TDRD9: variants seen among roughly 807,000 people sequenced by gnomAD.
The protein encoded by TDRD9 is ATP-dependent RNA helicase TDRD9.
In TDRD9, 124 loss-of-function variants were observed where a neutral mutation model predicts 172.6. That is an observed-to-expected ratio of 0.72 (90% CI 0.62 to 0.83). TDRD9 has a LOEUF of 0.83. Among genes scored for constraint, TDRD9 ranks in the 40% least tolerant of loss-of-function variants. The pLI is 0.00. For missense variants in TDRD9, 1,479 were observed against 1,714.1 expected (o/e 0.86, Z 2.42); for synonymous variants, 619 against 617.1 (o/e 1.00, Z -0.05).
intron 6 of TDRD9, among the ~76,000 whole-genome samples, chr14:103,974,800 C>G (rs2033169119): frequency 6.6e-6 from 1 of 151,914 alleles, no homozygotes; most frequent in South Asian, 2.1e-4. Context: ...ACCATCATGC[C>G]CAGCTATTTT....
At chr14:103,958,281 C>T (rs2032341948) in intron 2 of TDRD9, among the ~76,000 whole-genome samples, 1 of 152,074 alleles carries the variant, frequency 6.6e-6, no homozygotes, top group Non-Finnish European at 1.5e-5. Context: ...GTGGACCTTA[C>T]TGAGGCAGTG....
intron 23 of TDRD9, among the ~76,000 whole-genome samples, chr14:104,020,106 T>C (rs2034908834): frequency 1.3e-5 from 2 of 152,098 alleles, no homozygotes; most frequent in Non-Finnish European, 2.9e-5. Context: ...GTCTGTTTTG[T>C]GGAGGTCAGG....
In TDRD9 at chr14:104,042,137, G is replaced by A. The variant is rs4906411; in HGVS notation, c.3924G>A (p.Gly1308=). 4.3e-6 allele frequency: 7 copies of A among 1,613,744 alleles called. No individual in the cohort carries two copies. The highest frequency in any genetic ancestry group is 5.9e-6 in the Non-Finnish European group (7 of 1,179,658). Residue 1308 remains glycine (G), a synonymous_variant, in exon 34 of 36, where the codon GGG becomes GGA. Coordinates refer to ENST00000409874, the MANE Select transcript of TDRD9 (RefSeq NM_153046.3). ...CDGPNGCKCL[G]PERVAQLQDI... Reference sequence around the variant, plus strand: ...GACCAAATGGATGCAAGTGTCTTGGGCCAGAGAGAGTTGCGCAGCTTCAAG... The same window carrying A: ...GACCAAATGGATGCAAGTGTCTTGGACCAGAGAGAGTTGCGCAGCTTCAAG...
intron 6 of TDRD9, among the ~76,000 whole-genome samples, chr14:103,971,502 G>A (rs1263167131): frequency 6.6e-6 from 1 of 151,686 alleles, no homozygotes; most frequent in Non-Finnish European, 1.5e-5. Context: ...GTATAGATGG[G>A]GTTTTGCACC....
chr14:103,986,283 A>C lies in TDRD9; in HGVS notation c.1078A>C (p.Ile360Leu), dbSNP rs1401822577. Residue 360 changes from isoleucine to leucine, a missense_variant, in exon 8 of 36, where the codon ATT becomes CTT. Around this residue, in one of 3 missense-constraint regions of TDRD9, gnomAD observed 1,413 missense variants for 1,649.1 expected, o/e 0.86. Transcript: ENST00000409874. ...TATATATGAAGTTGCTGTCTCTCTC[A>C]TTCAGATGTTTGATGACTTGGATAT... ...KDIYEVAVSL[I>L]QMFDDLDMKE... 7 of 1,613,308 alleles carry C rather than the reference A, an allele frequency of 4.3e-6. No homozygotes were observed. The highest frequency in any genetic ancestry group is 5.9e-6 in the Non-Finnish European group (7 of 1,179,560).
chr14:103,962,992 GTATGC>G, intron 2 of TDRD9, 82 bp from the exon 3 acceptor site: 28 of 692,798 alleles, frequency 4.0e-5, no homozygotes, highest in East Asian at 5.7e-5. Flanking sequence ...GTGTGTGTGT[GTATGC>G]TGTATCTATA....
At chr14:104,049,891 G>A (rs1258718904) in intron 35 of TDRD9, 3 of 516,342 alleles carry the variant, frequency 5.8e-6, no homozygotes, top group Non-Finnish European at 1.0e-5. Context: ...TCCCGGCAAA[G>A]AGTCAGACAC....
intron 7 of TDRD9, among the ~76,000 whole-genome samples, chr14:103,979,361 TG>T (rs777760427): frequency 2.1e-4 from 32 of 152,344 alleles, no homozygotes; most frequent in Non-Finnish European, 4.0e-4. Flanking sequence ...TACCTCAGTC[TG>T]GGTAATTTAT....
chr14:103,956,111 AATATATATATATATATATATATATATAT>A (rs1173008862), intron 2 of TDRD9, among the ~76,000 whole-genome samples: 1 of 18,362 alleles, frequency 5.4e-5, no homozygotes, highest in African/African-American at 2.7e-4. Flanking sequence ...AAAAAAAAAA[AATATATATATATATATATATATATATAT>A]ATATATATAT....
At chr14:103,947,331 G>GT (rs1306132932) in intron 1 of TDRD9, among the ~76,000 whole-genome samples, 75 of 149,068 alleles carry the variant, frequency 5.0e-4, no homozygotes, top group African/African-American at 7.4e-4. Flanking sequence ...TTGTTTTTTT[G>GT]TTTTTTTTTG....
chr14:103,964,368 C>G (rs1486946797), intron 3 of TDRD9, among the ~76,000 whole-genome samples: 1 of 152,176 alleles, frequency 6.6e-6, no homozygotes, highest in Non-Finnish European at 1.5e-5. Flanking sequence ...TTTGCAGATT[C>G]ATTACAAAAT....
At chr14:104,018,309 T>C (rs12589669) in intron 23 of TDRD9, 117 bp downstream of exon 23, 173,219 of 608,840 alleles carry the variant, frequency 0.28, 26,639 homozygotes, top group Non-Finnish European at 0.33. Flanking sequence ...TATGGGCTGC[T>C]GCAATTGGCT....
intron 2 of TDRD9, among the ~76,000 whole-genome samples, chr14:103,958,531 A>G (rs544107561): frequency 6.6e-6 from 1 of 152,330 alleles, no homozygotes; most frequent in African/African-American, 2.4e-5. Flanking sequence ...GGATCTTGAG[A>G]TGGGAAGATT....
At chr14:104,026,409 G>T (rs764252368) in intron 27 of TDRD9, among the ~76,000 whole-genome samples, 1 of 152,204 alleles carries the variant, frequency 6.6e-6, no homozygotes, top group South Asian at 2.1e-4. Flanking sequence ...AAACCAGACA[G>T]ACTTTTTAGG....
At chr14:104,002,947 T>C (rs748704003) in intron 13 of TDRD9, among the ~76,000 whole-genome samples, 9 of 152,086 alleles carry the variant, frequency 5.9e-5, no homozygotes, top group African/African-American at 2.2e-4. Context: ...GCCAGGATGG[T>C]CTCCATCTCT....
In TDRD9 at chr14:103,980,482, C is replaced by G. The variant is rs568613378; in HGVS notation, c.1011+4929C>G. 6.6e-6 allele frequency among the ~76,000 whole-genome samples: 1 copy of G among 152,286 alleles called. No individual in the cohort carries two copies. Among genetic ancestry groups the G allele is most frequent in the Admixed American group, 6.5e-5 (1 of 15,296 alleles). On this transcript the variant is annotated intron_variant, in intron 7 of 35. Transcript: ENST00000409874. This position sits in a 1 kb window ranked among gnomAD's most constrained non-coding sequence, Gnocchi z 4.5. ...GCTTATCAGAGACTTTTAGTACTTTCACTAACTTGCCACTGCTATCTAAAA... is the reference window on the plus strand; with the variant it reads ...GCTTATCAGAGACTTTTAGTACTTTGACTAACTTGCCACTGCTATCTAAAA...
At chr14:103,968,795 C>A (rs866246082) in intron 5 of TDRD9, among the ~76,000 whole-genome samples, 182 of 11,386 alleles carry the variant, frequency 0.016, 3 homozygotes, top group South Asian at 0.048. Flanking sequence ...GACTCTGTCT[C>A]AAAAAAAAAG....
At chr14:104,040,463 C>A (rs996293420) in intron 33 of TDRD9, 129 bp downstream of exon 33, 2 of 1,027,334 alleles carry the variant, frequency 1.9e-6, no homozygotes, top group African/African-American at 1.6e-5. Flanking sequence ...GAGATGTGCA[C>A]GTTCCTTGTC....
chr14:103,975,355 T>C, intron 6 of TDRD9, 34 bp from the exon 7 acceptor site: 1 of 1,585,184 alleles, frequency 6.3e-7, no homozygotes, highest in Non-Finnish European at 8.6e-7. Context: ...ATGATTCTCA[T>C]TGTTTTATTT....
Sources: allele counts gnomAD v4.1 joint callset (sites outside exome capture counted in the v4.1 genomes callset), GRCh38; gene constraint gnomAD v4.1.1; regional missense constraint gnomAD v4.1.1; non-coding constraint Gnocchi (gnomAD v3.1); transcripts MANE v1.5; gene names NCBI Gene and HGNC (gene_info 2026-07-23, HGNC 2026-07-21).